The following LEKR1 variants were observed in gnomAD, a reference collection of about 807,000 sequenced individuals.
LEKR1 encodes the protein protein LEKR1.
LEKR1 carries 59 observed loss-of-function variants against 72.4 expected under a neutral mutation model. The observed-to-expected ratio is 0.82, with a 90% confidence interval of 0.66 to 1.01. LEKR1 has a LOEUF of 1.01. LEKR1 is among the 50% of genes least tolerant of loss of function. LEKR1 has a pLI of 0.00. For missense variants in LEKR1, 728 were observed against 759.2 expected (o/e 0.96, Z 0.48); for synonymous variants, 257 against 263.2 (o/e 0.98, Z 0.23).
intron 6 of LEKR1, among the ~76,000 whole-genome samples, chr3:156,966,780 G>C (rs1421361214): frequency 6.6e-6 from 1 of 152,202 alleles, no homozygotes; most frequent in Non-Finnish European, 1.5e-5. Context: ...GAAGAGAGTA[G>C]TGGTTCTCCC....
rs1727049113 is a variant in LEKR1 at position 156,950,404 on chromosome 3, TTGA to T, written c.745+7691_745+7693del. Among the ~76,000 whole-genome samples, 7 of 151,756 alleles carry T rather than the reference TTGA, an allele frequency of 4.6e-5. No individual in the cohort carries two copies. The Admixed American group carries it at 4.6e-4, about 10-fold the overall frequency. ...CATTGATAGTTTGATAGGAATAGCA[TTGA>T]ATCTGTAAATTGCTTTGGGCAGTAT... is the stretch of plus-strand genomic sequence containing the variant. On this transcript the variant is annotated intron_variant, in intron 6 of 12. Transcript: ENST00000356539.
rs1560168504 is a variant in LEKR1 at position 157,045,585 on chromosome 3, G to T, written c.1914G>T (p.Gly638=). The part of the protein sequence containing the change: ...EKGIQIPNLR[G]VSKPTTFPTS... ...GAATCCAAATTCCCAACCTGCGCGG[G>T]GTGTCAAAACCCACCACTTTCCCAA... Residue 638 remains glycine, a synonymous_variant, in exon 13 of 13, where the codon GGG becomes GGT. Coordinates refer to ENST00000356539, the MANE Select transcript of LEKR1 (RefSeq NM_001004316.3). The T allele has an allele frequency of 4.3e-6, 7 of 1,614,068 alleles. No individual in the cohort carries two copies. The highest frequency in any genetic ancestry group is 5.1e-6 in the Non-Finnish European group (6 of 1,180,016).
chr3:156,833,222 A>G (rs1226452680), intron 2 of LEKR1, among the ~76,000 whole-genome samples: 1 of 152,218 alleles, frequency 6.6e-6, no homozygotes, highest in Non-Finnish European at 1.5e-5. Flanking sequence ...GTTCTGTTTG[A>G]TATTCATGAA....
intron 3 of LEKR1, among the ~76,000 whole-genome samples, chr3:156,872,896 G>A (rs1410369577): frequency 6.6e-6 from 1 of 151,982 alleles, no homozygotes; most frequent in Non-Finnish European, 1.5e-5. Flanking sequence ...CTATGTGCTG[G>A]TGAGAAGAAT....
chr3:156,880,952 C>A (rs922760956), intron 3 of LEKR1, among the ~76,000 whole-genome samples: 2 of 152,174 alleles, frequency 1.3e-5, no homozygotes, highest in African/African-American at 4.8e-5. Flanking sequence ...ATTCAAAAAC[C>A]TTCATGCTAA....
chr3:157,007,390 G>C (rs1028342584), intron 9 of LEKR1, among the ~76,000 whole-genome samples: 3 of 152,164 alleles, frequency 2.0e-5, no homozygotes, highest in African/African-American at 7.2e-5. Context: ...GCTAGGAGCT[G>C]CGGCAAAAAT....
intron 3 of LEKR1, among the ~76,000 whole-genome samples, chr3:156,899,602 GTA>G (rs1465246628): frequency 1.3e-5 from 1 of 77,908 alleles, no homozygotes; most frequent in Non-Finnish European, 2.4e-5. Context: ...ATACATATAC[GTA>G]TATATACACA....
At chr3:157,038,942 T>C (rs1268322698) in intron 12 of LEKR1, among the ~76,000 whole-genome samples, 2 of 152,194 alleles carry the variant, frequency 1.3e-5, no homozygotes, top group Non-Finnish European at 2.9e-5. Context: ...AGCTACAGCA[T>C]TTTTTTCTTT....
At position 156,957,214 on chromosome 3, in the gene LEKR1, G is replaced by A. The variant is rs76099024; in HGVS notation, c.745+14500G>A. Among the ~76,000 whole-genome samples, 23 of 151,866 alleles carry A rather than the reference G, an allele frequency of 1.5e-4. 1 individual carries two copies. The highest frequency in any genetic ancestry group is 2.4e-4 in the African/African-American group (10 of 41,390). On this transcript the variant is annotated intron_variant, in intron 6 of 12. Coordinates refer to ENST00000356539, the MANE Select transcript of LEKR1 (RefSeq NM_001004316.3). ...CCCATGCCAACATTTAGGACATTAC[G>A]CAGACTTTTAAAATGACAATATGAC...
At chr3:156,998,531 G>A (rs1444552584) in intron 9 of LEKR1, among the ~76,000 whole-genome samples, 1 of 152,086 alleles carries the variant, frequency 6.6e-6, no homozygotes, top group African/African-American at 2.4e-5. Context: ...GATTTATTGT[G>A]ATCAATTTGC....
chr3:157,000,931 G>A (rs1731963188), intron 9 of LEKR1, among the ~76,000 whole-genome samples: 1 of 152,162 alleles, frequency 6.6e-6, no homozygotes, highest in South Asian at 2.1e-4. Context: ...GAGTTCTCAA[G>A]ACATCTAACA....
chr3:156,938,656 G>A (rs1489183543), intron 5 of LEKR1, among the ~76,000 whole-genome samples: 2 of 152,186 alleles, frequency 1.3e-5, no homozygotes, highest in Non-Finnish European at 2.9e-5. Context: ...TTACAGGCGT[G>A]AGCCACCGCA....
intron 3 of LEKR1, among the ~76,000 whole-genome samples, chr3:156,876,763 G>T: frequency 6.6e-6 from 1 of 152,156 alleles, no homozygotes. Flanking sequence ...CATATCATCA[G>T]CATACAGCAA....
chr3:156,915,550 A>G (rs115385698), intron 3 of LEKR1, among the ~76,000 whole-genome samples: 4,830 of 151,884 alleles, frequency 0.032, 115 homozygotes, highest in Non-Finnish European at 0.047. Context: ...GGCCACATGT[A>G]TGTCTTCTTT....
intron 2 of LEKR1, among the ~76,000 whole-genome samples, chr3:156,832,440 A>G (rs905015377): frequency 3.1e-4 from 47 of 152,228 alleles, no homozygotes; most frequent in African/African-American, 1.1e-3. Flanking sequence ...CACAAATCAT[A>G]GTAGGACCAA....
At chr3:156,828,323 G>C (rs1265672352) in intron 1 of LEKR1, among the ~76,000 whole-genome samples, 3 of 152,172 alleles carry the variant, frequency 2.0e-5, no homozygotes, top group Non-Finnish European at 4.4e-5. Context: ...TGCTCTCTCT[G>C]ATAGAGTACT....
rs1305368702 is a variant in LEKR1, at chr3:156,942,692, T to C, written c.723T>C (p.Tyr241=). Reference sequence around the variant, plus strand: ...AAGTAAACTTGCAAACCAGATGCTATGATTTGCAAAAAGAAGTACTAGGTA... The same window carrying C: ...AAGTAAACTTGCAAACCAGATGCTACGATTTGCAAAAAGAAGTACTAGGTA... The part of the protein sequence containing the change: ...QQEVNLQTRC[Y]DLQKEVLDLQ... Residue 241 remains tyrosine, a synonymous_variant, in exon 6 of 13, where the codon TAT becomes TAC. Coordinates refer to ENST00000356539, the MANE Select transcript of LEKR1 (RefSeq NM_001004316.3). 2.4e-6 allele frequency: 3 copies of C among 1,254,220 alleles called. No homozygotes were observed. Among genetic ancestry groups the C allele is most frequent in the African/African-American group, 1.6e-5 (1 of 62,382 alleles). 77.7% of individuals were successfully genotyped at this position (1,254,220 alleles called of 1,614,324 possible). A position where few individuals can be genotyped will look rare whatever the true frequency, so the allele number is the denominator to read the frequency against.
intron 3 of LEKR1, among the ~76,000 whole-genome samples, chr3:156,867,223 T>C (rs1015466687): frequency 6.6e-6 from 1 of 152,120 alleles, no homozygotes; most frequent in Non-Finnish European, 1.5e-5. Context: ...TCTGCTGAGA[T>C]AGCTTATTAT....
intron 3 of LEKR1, among the ~76,000 whole-genome samples, chr3:156,857,224 A>AT (rs1342083248): frequency 2.6e-5 from 4 of 152,106 alleles, no homozygotes; most frequent in African/African-American, 9.6e-5. Flanking sequence ...ATACTAATGG[A>AT]TTTTCTAATA....
Sources: gnomAD v4.1 joint callset for allele counts (sites outside exome capture counted in the v4.1 genomes callset) on GRCh38, gnomAD v4.1.1 for gene constraint, MANE v1.5 for transcripts, NCBI Gene and HGNC (gene_info 2026-07-23, HGNC 2026-07-21) for gene names.